Variants in CLCN3 observed in about 807,000 individuals in gnomAD.
CLCN3 encodes H(+)/Cl(-) exchange transporter 3.
CLCN3 carries 16 observed loss-of-function variants against 83.4 expected under a neutral mutation model. The observed-to-expected ratio is 0.19, with a 90% CI of 0.13 to 0.29. The LOEUF (loss-of-function observed/expected upper bound fraction) is 0.29. Among genes scored for constraint, CLCN3 ranks in the 10% least tolerant of loss-of-function variants. The pLI is 1.00. For missense variants in CLCN3, 544 were observed against 1,006.0 expected (o/e 0.54, Z 6.21); for synonymous variants, 322 against 346.2 (o/e 0.93, Z 0.78).
Position 169,721,461 on chromosome 4 carries a change from A to G in CLCN3, c.*1464A>G, listed in dbSNP as rs1306571327. 6.6e-6 allele frequency: 1 copy of G among 152,202 alleles called. No homozygotes were observed. The highest frequency in any genetic ancestry group is 1.9e-4 in the East Asian group (1 of 5,202). 9.4% of individuals were successfully genotyped at this position (152,202 alleles called of 1,614,324 possible). A position where few individuals can be genotyped will look rare whatever the true frequency, so the allele number is the denominator to read the frequency against. ...CCATTAACTGGAAAGTTGAAAAACT[A>G]CATTAACTGGAAAGTTGAAAAACTA... On this transcript the variant is annotated 3_prime_UTR_variant, in exon 13 of 13. Transcript: ENST00000513761.
intron 7 of CLCN3, among the ~76,000 whole-genome samples, chr4:169,695,341 C>T (rs1404142215): frequency 6.6e-6 from 1 of 152,146 alleles, no homozygotes; most frequent in Non-Finnish European, 1.5e-5. Context: ...TTCATTGCCT[C>T]CTCCTCTTTA....
intron 2 of CLCN3, among the ~76,000 whole-genome samples, chr4:169,667,760 T>C (rs1351664312): frequency 6.8e-6 from 1 of 147,672 alleles, no homozygotes; most frequent in Non-Finnish European, 1.5e-5. Context: ...TTTCTTTTTT[T>C]TTTTGAGATG....
chr4:169,621,662 T>C (rs1205678384), intron 1 of CLCN3, among the ~76,000 whole-genome samples: 3 of 152,358 alleles, frequency 2.0e-5, no homozygotes, highest in East Asian at 1.9e-4. Context: ...TACACAGATA[T>C]ATAATTCAAA....
intron 2 of CLCN3, among the ~76,000 whole-genome samples, chr4:169,674,969 T>A (rs1731619392): frequency 6.6e-6 from 1 of 152,178 alleles, no homozygotes; most frequent in African/African-American, 2.4e-5. Context: ...CTCCAACTCC[T>A]GCGCTCAATC....
intron 9 of CLCN3, among the ~76,000 whole-genome samples, chr4:169,700,315 T>C (rs1251775900): frequency 3.9e-5 from 6 of 152,230 alleles, no homozygotes. Flanking sequence ...TAGAGGGCAG[T>C]GTTGCAGTCT....
intron 9 of CLCN3, among the ~76,000 whole-genome samples, chr4:169,698,420 G>A (rs750561797): frequency 7.2e-5 from 11 of 151,952 alleles, no homozygotes; most frequent in South Asian, 2.1e-4. Context: ...TCTTTCTCTC[G>A]CTTCCTTTTT....
chr4:169,687,901 G>A, intron 4 of CLCN3, 144 bp downstream of exon 4: 1 of 526,380 alleles, frequency 1.9e-6, no homozygotes, highest in Non-Finnish European at 3.4e-6. Flanking sequence ...TTAAATATAA[G>A]ACTAGGAGGC....
intron 2 of CLCN3, among the ~76,000 whole-genome samples, chr4:169,644,475 C>T (rs1186419803): frequency 6.6e-6 from 1 of 152,128 alleles, no homozygotes; most frequent in Admixed American, 6.5e-5. Context: ...CTCCTGATTT[C>T]AAGTGATCCG....
At chr4:169,647,651 C>CA (rs1435276185) in intron 2 of CLCN3, among the ~76,000 whole-genome samples, 1 of 151,992 alleles carries the variant, frequency 6.6e-6, no homozygotes, top group Non-Finnish European at 1.5e-5. Flanking sequence ...AATTATAACT[C>CA]AAAGTATAAA....
At chr4:169,638,192 G>C (rs990596346) in intron 2 of CLCN3, among the ~76,000 whole-genome samples, 1 of 152,110 alleles carries the variant, frequency 6.6e-6, no homozygotes, top group Non-Finnish European at 1.5e-5. Flanking sequence ...GGCTACCCTA[G>C]AGATTATTAC....
chr4:169,713,247 A>C lies in CLCN3; in HGVS notation c.2318A>C (p.Asp773Ala). 1 of 1,614,110 alleles carries C rather than the reference A, an allele frequency of 6.2e-7. No homozygotes were observed. The highest frequency in any genetic ancestry group is 8.5e-7 in the Non-Finnish European group (1 of 1,179,984). Residue 773 changes from aspartate (D) to alanine (A), a missense_variant, in exon 12 of 13, where the codon GAT becomes GCT. By Grantham distance (126) the Asp-to-Ala change is moderately radical (BLOSUM62 -2). This residue lies in a region of CLCN3 where 142 missense variants were observed against 225.0 expected (regional missense o/e 0.63). Coordinates refer to ENST00000513761, the MANE Select transcript of CLCN3 (RefSeq NM_001829.4). ...CACACCCCAATGGAGATCGTGGTGG[A>C]TATTTTCCGAAAGCTGGGACTGAGG... ...TDHTPMEIVV[D>A]IFRKLGLRQC...
At chr4:169,659,626 C>G (rs28364750) in intron 2 of CLCN3, among the ~76,000 whole-genome samples, 1 of 152,054 alleles carries the variant, frequency 6.6e-6, no homozygotes, top group Non-Finnish European at 1.5e-5. Flanking sequence ...AACAAGAAGC[C>G]GCTGGAGGAG....
intron 9 of CLCN3, among the ~76,000 whole-genome samples, chr4:169,698,534 G>A (rs2150257240): frequency 6.6e-6 from 1 of 152,274 alleles, no homozygotes; most frequent in East Asian, 1.9e-4. Context: ...AGCCAAAGAA[G>A]TCTTGCAGCG....
intron 7 of CLCN3, among the ~76,000 whole-genome samples, chr4:169,694,357 C>T (rs927324877): frequency 6.6e-6 from 1 of 152,140 alleles, no homozygotes; most frequent in Non-Finnish European, 1.5e-5. Context: ...CTACCCATAG[C>T]CATACAGCTA....
chr4:169,697,083 T>G, intron 8 of CLCN3, 106 bp from the exon 9 acceptor site: 1 of 800,374 alleles, frequency 1.2e-6, no homozygotes, highest in African/African-American at 1.8e-5. Context: ...AAATTCTAAC[T>G]ACAGCAAAAT....
rs1052046809 is a variant in CLCN3 at position 169,722,890 on chromosome 4, T to C, written c.*2893T>C. 1 of 152,202 alleles carries C rather than the reference T, an allele frequency of 6.6e-6. No individual in the cohort carries two copies. Among genetic ancestry groups the C allele is most frequent in the Non-Finnish European group, 1.5e-5 (1 of 68,036 alleles). 9.4% of individuals were successfully genotyped at this position (152,202 alleles called of 1,614,324 possible). A position where few individuals can be genotyped will look rare whatever the true frequency, so the allele number is the denominator to read the frequency against. ...TGAAATAGTGGAGACCATGAAATTGTTGTGCCTGGCTAATTGGCAAATTAA... is the reference window on the plus strand; with the variant it reads ...TGAAATAGTGGAGACCATGAAATTGCTGTGCCTGGCTAATTGGCAAATTAA... On this transcript the variant is annotated 3_prime_UTR_variant, in exon 13 of 13. Coordinates refer to ENST00000513761, the MANE Select transcript of CLCN3 (RefSeq NM_001829.4).
intron 1 of CLCN3, among the ~76,000 whole-genome samples, chr4:169,629,668 G>A (rs1773321255): frequency 6.6e-6 from 1 of 152,146 alleles, no homozygotes; most frequent in African/African-American, 2.4e-5. Flanking sequence ...ACTGCGCCTG[G>A]TCTAATGTGA....
chr4:169,631,873 G>A (rs1773380188), intron 1 of CLCN3, among the ~76,000 whole-genome samples: 1 of 152,198 alleles, frequency 6.6e-6, no homozygotes, highest in Admixed American at 6.5e-5. Context: ...AAATCAGGAT[G>A]AAATTGAAAT....
chr4:169,640,501 A>G (rs1215998565), intron 2 of CLCN3, among the ~76,000 whole-genome samples: 2 of 152,242 alleles, frequency 1.3e-5, no homozygotes, highest in Non-Finnish European at 2.9e-5. Context: ...ATTCTGTATA[A>G]TGATGACTAG....
Sources: gnomAD v4.1 joint callset for allele counts (sites outside exome capture counted in the v4.1 genomes callset) on GRCh38, gnomAD v4.1.1 for gene constraint, gnomAD v4.1.1 regional missense constraint, MANE v1.5 for transcripts, NCBI Gene and HGNC (gene_info 2026-07-23, HGNC 2026-07-21) for gene names.